Variants in CYB5R2 observed in about 807,000 individuals in gnomAD.
CYB5R2 encodes the protein cytochrome b5 reductase 2, also known as NADH-cytochrome b5 reductase 2.
Under a neutral mutation model 29.8 loss-of-function variants are expected in CYB5R2, and 35 were observed. The observed-to-expected ratio is 1.17, with a 90% CI of 0.90 to 1.56. The LOEUF (loss-of-function observed/expected upper bound fraction) is 1.56. Among genes scored for constraint, CYB5R2 ranks in the 40% most tolerant of loss-of-function variants. CYB5R2 has a pLI of 0.00. For missense variants in CYB5R2, 419 were observed against 346.7 expected (o/e 1.21, Z -1.66); for synonymous variants, 169 against 130.6 (o/e 1.29, Z -2.01).
Position 7,668,752 on chromosome 11 carries a change from T to C in CYB5R2, c.389-191A>G, listed in dbSNP as rs1397562889. On this transcript the variant is annotated intron_variant, in intron 5 of 8. Transcript: ENST00000299498. Reference sequence around the variant, plus strand: ...GGTGCTCCAGTGCACAAAGTGGGAATAGAGCCTGGGCTTGGTCGGGGAATC... The same window carrying C: ...GGTGCTCCAGTGCACAAAGTGGGAACAGAGCCTGGGCTTGGTCGGGGAATC... The C allele has an allele frequency of 4.8e-6, 3 of 630,152 alleles. No individual in the cohort carries two copies. In the East Asian group the frequency reaches 8.2e-5, roughly 17 times the overall value. 39.0% of individuals were successfully genotyped at this position (630,152 alleles called of 1,614,324 possible). A position where few individuals can be genotyped will look rare whatever the true frequency, so the allele number is the denominator to read the frequency against.
intron 7 of CYB5R2, 32 bp from the exon 8 acceptor site, chr11:7,666,582 C>G: frequency 2.0e-6 from 3 of 1,504,470 alleles, no homozygotes; most frequent in South Asian, 2.3e-5. Context: ...AAAAGCCCCT[C>G]CAGGGCCATC....
intron 3 of CYB5R2, chr11:7,670,695 T>G (rs1436065674): frequency 6.6e-6 from 1 of 152,246 alleles, no homozygotes; most frequent in Non-Finnish European, 1.5e-5. Context: ...GGATCATGAC[T>G]ACATCCCACT....
At chr11:7,665,604 C>T in intron 8 of CYB5R2, 58 bp from the exon 9 acceptor site, 1 of 1,521,892 alleles carries the variant, frequency 6.6e-7, no homozygotes. Flanking sequence ...TTCCTGATCC[C>T]AGGCCGCCTG....
At chr11:7,668,981 T>A (rs541351502) in intron 5 of CYB5R2, 1 of 678,502 alleles carries the variant, frequency 1.5e-6, no homozygotes, top group African/African-American at 1.8e-5. Context: ...TTTGATACAA[T>A]GACGAGGAAA....
chr11:7,670,061 T>C (rs377029317), intron 3 of CYB5R2: 7 of 267,598 alleles, frequency 2.6e-5, no homozygotes, highest in Admixed American at 2.0e-4. Context: ...AGAGTGAGTA[T>C]TAAAAATTAC....
At position 7,665,515 on chromosome 11, in the gene CYB5R2, G is replaced by A. The variant is rs774496280; in HGVS notation, c.690C>T (p.Ala230=). ...GAGGAAGGTGCTCCTTGATCATGTC[G>A]GCAGTAACGAAGCCTGAGCTGTACT... ...GWKYSSGFVT[A]DMIKEHLPPP... The change falls in exon 9 of 9, where the codon GCC becomes GCT. Residue 230 remains alanine (A), a synonymous_variant. Coordinates refer to ENST00000299498, the MANE Select transcript of CYB5R2 (RefSeq NM_016229.5). The A allele has an allele frequency of 3.5e-5, 56 of 1,612,342 alleles. No homozygotes were observed. The highest frequency in any genetic ancestry group is 1.7e-4 in the Middle Eastern group (1 of 6,026).
chr11:7,665,271 T>C lies in CYB5R2; in HGVS notation c.*103A>G, dbSNP rs572409136. 2 of 1,057,826 alleles carry C rather than the reference T, an allele frequency of 1.9e-6. No homozygotes were observed. The highest frequency in any genetic ancestry group is 2.7e-6 in the Non-Finnish European group (2 of 742,000). 65.5% of individuals were successfully genotyped at this position (1,057,826 alleles called of 1,614,324 possible). On this transcript the variant is annotated 3_prime_UTR_variant, in exon 9 of 9. Coordinates refer to ENST00000299498, the MANE Select transcript of CYB5R2 (RefSeq NM_016229.5). ...GAACCAGTGTGTGCGCGAAGGTACATGGCAAGGCACTTTTGAAAACATCCC... is the reference window on the plus strand; with the variant it reads ...GAACCAGTGTGTGCGCGAAGGTACACGGCAAGGCACTTTTGAAAACATCCC...
intron 2 of CYB5R2, 43 bp downstream of exon 2, chr11:7,672,705 A>G (rs748443710): frequency 6.2e-7 from 1 of 1,612,164 alleles, no homozygotes; most frequent in South Asian, 1.1e-5. Flanking sequence ...CATCCCAGCC[A>G]TCATCCACTT....
In CYB5R2 at chr11:7,668,390, A is replaced by G. The variant is rs1049455003; in HGVS notation, c.472+88T>C. The G allele has an allele frequency of 2.9e-6, 3 of 1,032,450 alleles. No homozygotes were observed. In the African/African-American group the frequency reaches 4.7e-5, roughly 16 times the overall value. 64.0% of individuals were successfully genotyped at this position (1,032,450 alleles called of 1,614,324 possible). A position where few individuals can be genotyped will look rare whatever the true frequency, so the allele number is the denominator to read the frequency against. ...TCTACAGCTGGAGGCGAAATCTCTC[A>G]TGTTGTCCCTTAGAGGATCAAATGA... On this transcript the variant is annotated intron_variant, in intron 6 of 8. Transcript: ENST00000299498.
rs1383291674 is a variant in CYB5R2, at chr11:7,669,629, A to T, written c.254T>A (p.Ile85Lys). Residue 85 changes from isoleucine (I) to lysine (K), a missense_variant, in exon 4 of 9, where the codon ATA becomes AAA. Coordinates refer to ENST00000299498, the MANE Select transcript of CYB5R2 (RefSeq NM_016229.5). ...GATATGGTGGGCACTATTTACCTTT[A>T]TAATTAGGTCCACAAAGCCTCTGTC... ...DDDRGFVDLI[I>K]KIYFKNVHPQ... The T allele has an allele frequency of 2.5e-6, 4 of 1,595,152 alleles. No homozygotes were observed. Among genetic ancestry groups the T allele is most frequent in the Non-Finnish European group, 3.4e-6 (4 of 1,171,594 alleles).
chr11:7,672,576 G>A (rs2136132583), intron 2 of CYB5R2, 53 bp from the exon 3 acceptor site: 2 of 1,582,178 alleles, frequency 1.3e-6, no homozygotes, highest in East Asian at 2.2e-5. Context: ...AGCCTTGCTG[G>A]GCAGCTGAGA....
At position 7,668,430 on chromosome 11, in the gene CYB5R2, T is replaced by A. The variant is rs748759149; in HGVS notation, c.472+48A>T. 4.7e-5 allele frequency: 66 copies of A among 1,406,486 alleles called. No homozygotes were observed. In the Middle Eastern group the frequency reaches 5.3e-4, roughly 11 times the overall value. The allele number at this position is 1,406,486 out of a possible 1,614,324, so 87.1% of individuals were successfully genotyped here. On this transcript the variant is annotated intron_variant, in intron 6 of 8. Coordinates refer to ENST00000299498, the MANE Select transcript of CYB5R2 (RefSeq NM_016229.5). ...GGATCAAATGACTCCCAAGTCAGAA[T>A]GGGTCTCGGGGCTCACTCTCTGGAT...
chr11:7,665,727 A>C (rs1350655526), intron 8 of CYB5R2, 181 bp from the exon 9 acceptor site: 1 of 1,192,906 alleles, frequency 8.4e-7, no homozygotes, highest in East Asian at 2.6e-5. Context: ...CCTCTGCAGC[A>C]ATCACCCCAG....
upstream of CYB5R2, chr11:7,673,520 C>T (rs981768691): frequency 7.1e-6 from 7 of 985,538 alleles, no homozygotes; most frequent in African/African-American, 1.7e-5. Context: ...GAATCCGAGC[C>T]GGCCCGCCCC....
At chr11:7,668,882 T>C (rs1325995558) in intron 5 of CYB5R2, 1 of 578,952 alleles carries the variant, frequency 1.7e-6, no homozygotes, top group Non-Finnish European at 3.1e-6. Context: ...AAACAATGGC[T>C]ATGTGAGTAA....
rs1855028719 is a variant in CYB5R2, at chr11:7,665,194, C to G, written c.*180G>C. On this transcript the variant is annotated 3_prime_UTR_variant, in exon 9 of 9. Coordinates refer to ENST00000299498, the MANE Select transcript of CYB5R2 (RefSeq NM_016229.5). ...CCTCCAAGCAAGGAGGCCCCAGCAG[C>G]CAGTCTCCAGCCCCTTGAGCCCTTT... is the stretch of plus-strand genomic sequence containing the variant. The G allele has an allele frequency of 3.6e-5, 18 of 496,782 alleles. No homozygotes were observed. The South Asian group carries it at 7.2e-4, about 20-fold the overall frequency. The allele number at this position is 496,782 out of a possible 1,614,324, so 30.8% of individuals were successfully genotyped here. A position where few individuals can be genotyped will look rare whatever the true frequency, so the allele number is the denominator to read the frequency against.
chr11:7,667,825 T>A lies in CYB5R2; in HGVS notation c.473-12A>T. ...CATGGGTGTGATGCCTGGAACACAG[T>A]GAGCGAGCAGCCAGCTTTCTCCCTG... On this transcript the variant is annotated splice_polypyrimidine_tract_variant and intron_variant, in intron 6 of 8. Transcript: ENST00000299498. 1.2e-6 allele frequency: 2 copies of A among 1,612,028 alleles called. No individual in the cohort carries two copies. The highest frequency in any genetic ancestry group is 1.7e-6 in the Non-Finnish European group (2 of 1,178,060).
At chr11:7,673,054 A>G in intron 1 of CYB5R2, 163 bp from the exon 2 acceptor site, 1 of 675,480 alleles carries the variant, frequency 1.5e-6, no homozygotes, top group Non-Finnish European at 2.4e-6. Flanking sequence ...CGGCTGGGAG[A>G]GCCTGTCGTG....
upstream of CYB5R2, chr11:7,673,892 G>A (rs1855925591): frequency 3.0e-6 from 3 of 999,178 alleles, no homozygotes; most frequent in Non-Finnish European, 3.6e-6. Context: ...CCCGCAGGCT[G>A]GGACCCCGGC....
Sources: allele counts gnomAD v4.1 joint callset, GRCh38; gene constraint gnomAD v4.1.1; transcripts MANE v1.5; gene names NCBI Gene and HGNC (gene_info 2026-07-23, HGNC 2026-07-21).